The following FCHSD2 variants were observed in gnomAD, a reference collection of about 807,000 sequenced individuals.
FCHSD2 encodes the protein FCH and double SH3 domains 2, also known as F-BAR and double SH3 domains protein 2.
FCHSD2 carries 38 observed loss-of-function variants against 108.1 expected under a neutral mutation model. That is an observed-to-expected ratio of 0.35 (90% CI 0.27 to 0.46). The LOEUF (loss-of-function observed/expected upper bound fraction) is 0.46. Among genes scored for constraint, FCHSD2 ranks in the 20% least tolerant of loss-of-function variants. The pLI is 1.00. For missense variants in FCHSD2, 751 were observed against 897.8 expected (o/e 0.84, Z 2.09); for synonymous variants, 279 against 314.7 (o/e 0.89, Z 1.20).
chr11:73,120,800 A>G (rs1454753122), intron 2 of FCHSD2, among the ~76,000 whole-genome samples: 1 of 151,980 alleles, frequency 6.6e-6, no homozygotes, highest in East Asian at 1.9e-4. Flanking sequence ...CTTGCTCCGA[A>G]AAAGCTCACA....
At chr11:72,902,770 T>C in intron 9 of FCHSD2, 132 bp from the exon 10 acceptor site, 2 of 571,202 alleles carry the variant, frequency 3.5e-6, no homozygotes, top group African/African-American at 1.9e-5. Context: ...AAAAAAGAAA[T>C]GGTGTTACGC....
At chr11:72,838,937 C>T (rs1860818854) in intron 19 of FCHSD2, 63 bp from the exon 20 acceptor site, 1 of 1,445,072 alleles carries the variant, frequency 6.9e-7, no homozygotes, top group East Asian at 2.4e-5. Context: ...GAAGCATCCC[C>T]AAAACCTAAT....
chr11:72,866,167 C>G (rs1854716428), intron 13 of FCHSD2, among the ~76,000 whole-genome samples: 1 of 152,198 alleles, frequency 6.6e-6, no homozygotes, highest in Admixed American at 6.5e-5. Flanking sequence ...ATCAAAAACT[C>G]TACAACAGTC....
At chr11:72,891,096 C>G (rs1364924554) in intron 10 of FCHSD2, among the ~76,000 whole-genome samples, 1 of 150,880 alleles carries the variant, frequency 6.6e-6, no homozygotes. Flanking sequence ...TTTTTTTTTC[C>G]TTCTAGAGAT....
At chr11:72,851,436 AC>A (rs1051959699) in intron 13 of FCHSD2, among the ~76,000 whole-genome samples, 1 of 152,004 alleles carries the variant, frequency 6.6e-6, no homozygotes, top group Non-Finnish European at 1.5e-5. Flanking sequence ...GATTAATAAC[AC>A]TCATTAAAAA....
intron 8 of FCHSD2, among the ~76,000 whole-genome samples, chr11:72,939,609 CTTTTTTTTTTTTT>C (rs1194333407): frequency 1.5e-5 from 1 of 65,464 alleles, no homozygotes; most frequent in African/African-American, 5.8e-5. Context: ...CTTTCTTTTC[CTTTTTTTTTTTTT>C]TTTTTTTTTT....
rs190143877 is a variant in FCHSD2 at position 73,138,753 on chromosome 11, G to A, written c.119+1278C>T. On this transcript the variant is annotated intron_variant, in intron 2 of 19. Transcript: ENST00000409418. ...CTCCTGAGTAGCTAGGACTACAGGC[G>A]CACGCCACCATGCCTGGTTAATTTT... 3.1e-3 allele frequency among the ~76,000 whole-genome samples: 469 copies of A among 151,806 alleles called. 2 individuals are homozygous for A. The highest frequency in any genetic ancestry group is 0.011 in the African/African-American group (447 of 41,396).
At chr11:73,004,401 T>A (rs1050435155) in intron 4 of FCHSD2, among the ~76,000 whole-genome samples, 1 of 152,194 alleles carries the variant, frequency 6.6e-6, no homozygotes, top group Non-Finnish European at 1.5e-5. Flanking sequence ...CCAAGTTCAA[T>A]CTTCTGATTT....
intron 5 of FCHSD2, among the ~76,000 whole-genome samples, chr11:72,995,902 T>G (rs1857511776): frequency 1.3e-5 from 2 of 152,062 alleles, no homozygotes; most frequent in South Asian, 4.2e-4. Flanking sequence ...AGAAAAAAAT[T>G]TAAAAAGTTA....
chr11:73,134,081 T>C (rs1185307757), intron 2 of FCHSD2, among the ~76,000 whole-genome samples: 4 of 151,778 alleles, frequency 2.6e-5, no homozygotes, highest in African/African-American at 9.7e-5. Context: ...GATATGTACA[T>C]TGTATATAAA....
chr11:73,076,831 C>A (rs1000234033), intron 3 of FCHSD2, among the ~76,000 whole-genome samples: 1 of 152,108 alleles, frequency 6.6e-6, no homozygotes, highest in South Asian at 2.1e-4. Flanking sequence ...TTATGCTAGG[C>A]CCGGCGCAGT....
At chr11:72,999,312 ATTCT>A (rs1488571979) in intron 5 of FCHSD2, among the ~76,000 whole-genome samples, 4 of 138,350 alleles carry the variant, frequency 2.9e-5, no homozygotes, top group Admixed American at 1.5e-4. Flanking sequence ...CTTACCAAAG[ATTCT>A]TTTTTTTTTT....
chr11:73,099,682 C>T (rs529714697), intron 2 of FCHSD2, among the ~76,000 whole-genome samples: 9 of 152,332 alleles, frequency 5.9e-5, no homozygotes, highest in South Asian at 4.1e-4. Context: ...GGCTTAGCGG[C>T]GCTCACCACC....
At chr11:73,091,328 C>A (rs1459186295) in intron 2 of FCHSD2, among the ~76,000 whole-genome samples, 1 of 152,116 alleles carries the variant, frequency 6.6e-6, no homozygotes, top group Non-Finnish European at 1.5e-5. Flanking sequence ...CACTTGAGGT[C>A]AGGAGTTCGA....
At chr11:72,942,828 C>T (rs1856446602) in intron 8 of FCHSD2, among the ~76,000 whole-genome samples, 1 of 152,128 alleles carries the variant, frequency 6.6e-6, no homozygotes, top group Non-Finnish European at 1.5e-5. Context: ...ATCACCCAGG[C>T]TGGAGTGCAG....
intron 14 of FCHSD2, among the ~76,000 whole-genome samples, chr11:72,849,215 T>C (rs1256652663): frequency 1.3e-5 from 2 of 152,128 alleles, no homozygotes; most frequent in Non-Finnish European, 2.9e-5. Flanking sequence ...TATTCACGCC[T>C]CCCTTCCAAC....
At chr11:72,935,653 TG>T (rs1442016697) in intron 8 of FCHSD2, among the ~76,000 whole-genome samples, 1 of 152,204 alleles carries the variant, frequency 6.6e-6, no homozygotes, top group Non-Finnish European at 1.5e-5. Flanking sequence ...AAACAAGTAC[TG>T]GGCTGTATTT....
intron 8 of FCHSD2, among the ~76,000 whole-genome samples, chr11:72,949,472 A>G (rs1302416003): frequency 6.6e-6 from 1 of 152,018 alleles, no homozygotes; most frequent in African/African-American, 2.4e-5. Flanking sequence ...AGAAAAGAAA[A>G]GAAAGGAAAG....
At chr11:73,076,130 C>CA (rs996182398) in intron 3 of FCHSD2, among the ~76,000 whole-genome samples, 15 of 151,880 alleles carry the variant, frequency 9.9e-5, no homozygotes, top group Non-Finnish European at 1.9e-4. Context: ...CAAAAACAAA[C>CA]AAAAAAATGT....
Sources: gnomAD v4.1 joint callset for allele counts (sites outside exome capture counted in the v4.1 genomes callset) on GRCh38, gnomAD v4.1.1 for gene constraint, MANE v1.5 for transcripts, NCBI Gene and HGNC (gene_info 2026-07-23, HGNC 2026-07-21) for gene names.